The following HABP2 variants were observed in gnomAD, a reference collection of about 807,000 sequenced individuals.
HABP2 encodes factor VII-activating protease.
Under a neutral mutation model 66.5 loss-of-function variants are expected in HABP2, and 65 were observed. The ratio of observed to expected loss-of-function variants is 0.98; its 90% CI spans 0.80 to 1.20. The LOEUF (loss-of-function observed/expected upper bound fraction) is 1.20, where lower values mean the gene tolerates loss of function less well. Ranked by LOEUF, HABP2 falls within the 50% of genes most tolerant of loss-of-function variation. The pLI, the probability that HABP2 is intolerant of heterozygous loss-of-function variation, is 0.00. For missense variants in HABP2, 786 were observed against 691.0 expected, an observed-to-expected ratio of 1.14 and a Z score of -1.54; for synonymous variants, 263 against 253.9, an observed-to-expected ratio of 1.04 and a Z score of -0.34.
At position 113,553,096 on chromosome 10, in the gene HABP2, A is replaced by G. The variant is rs1258990366; in HGVS notation, c.-26A>G. 3.8e-6 allele frequency: 6 copies of G among 1,591,750 alleles called. No individual in the cohort carries two copies. The highest frequency in any genetic ancestry group is 5.2e-6 in the Non-Finnish European group (6 of 1,159,966). On this transcript the variant is annotated 5_prime_UTR_variant, in exon 1 of 13. Coordinates refer to ENST00000351270, the MANE Select transcript of HABP2 (RefSeq NM_004132.5). ...CAACAAAAGAAATTTTATTGAGAGGAAAACACAAGTCCTTAAACTGCAAAG... is the reference window on the plus strand; with the variant it reads ...CAACAAAAGAAATTTTATTGAGAGGGAAACACAAGTCCTTAAACTGCAAAG...
At chr10:113,572,547 T>C (rs1485665544) in intron 2 of HABP2, 1 of 291,996 alleles carries the variant, frequency 3.4e-6, no homozygotes, top group Non-Finnish European at 6.8e-6. Context: ...AATCAGCTCC[T>C]TATCAAACCC....
chr10:113,555,386 A>G (rs1450171950), intron 1 of HABP2, among the ~76,000 whole-genome samples: 1 of 152,132 alleles, frequency 6.6e-6, no homozygotes, highest in Non-Finnish European at 1.5e-5. Context: ...CTTCAGGGAC[A>G]TGGCTTTTCC....
rs776989066 is a variant in HABP2, at chr10:113,584,148, C to T, written c.1238C>T (p.Ala413Val). 6.2e-7 allele frequency: 1 copy of T among 1,613,442 alleles called. No homozygotes were observed. Among genetic ancestry groups the T allele is most frequent in the Non-Finnish European group, 8.5e-7 (1 of 1,179,424 alleles). ...ATTTTCTACCTCTCTCTCCACCTAGCATTGCTCAAGTTAAAGCCAGTGGAT... is the reference window on the plus strand; with the variant it reads ...ATTTTCTACCTCTCTCTCCACCTAGTATTGCTCAAGTTAAAGCCAGTGGAT... The part of the protein sequence containing the change: ...ERDEIPHNDI[A>V]LLKLKPVDGH... The change falls in exon 11 of 13, where the codon GCA becomes GTA. Residue 413 changes from alanine to valine, a missense_variant and splice_region_variant. By Grantham distance (64) the Ala-to-Val change is moderately conservative. Coordinates refer to ENST00000351270, the MANE Select transcript of HABP2 (RefSeq NM_004132.5).
chr10:113,575,401 C>T (rs1845390287), intron 3 of HABP2, among the ~76,000 whole-genome samples: 1 of 152,208 alleles, frequency 6.6e-6, no homozygotes, highest in Non-Finnish European at 1.5e-5. Flanking sequence ...ATTCTTCTGT[C>T]ACCCTCTTGC....
At chr10:113,572,839 T>C (rs1165145270) in intron 2 of HABP2, 3 of 254,450 alleles carry the variant, frequency 1.2e-5, no homozygotes, top group African/African-American at 6.9e-5. Flanking sequence ...AGGTGAAACT[T>C]TGGCAAGAAA....
At position 113,585,942 on chromosome 10, in the gene HABP2, A is replaced by G; in HGVS notation, c.1518+4A>G. On this transcript the variant is annotated splice_donor_region_variant and intron_variant, in intron 12 of 12. Coordinates refer to ENST00000351270, the MANE Select transcript of HABP2 (RefSeq NM_004132.5). ...ACCTGGGCAAGACACCTGCCAGGTC[A>G]GAGACTCCAAGTGGTGCTTGTGGTA... 2 of 1,613,000 alleles carry G rather than the reference A, an allele frequency of 1.2e-6. No individual in the cohort carries two copies. The highest frequency in any genetic ancestry group is 1.7e-6 in the Non-Finnish European group (2 of 1,179,014).
intron 10 of HABP2, 34 bp from the exon 11 acceptor site, chr10:113,584,114 A>T: frequency 6.2e-7 from 1 of 1,606,546 alleles, no homozygotes; most frequent in Non-Finnish European, 8.5e-7. Context: ...AAGAGGTGAC[A>T]TCGCATCCAT....
In HABP2 at chr10:113,559,540, C is replaced by T. The variant is rs533700385; in HGVS notation, c.69+6350C>T. Among the ~76,000 whole-genome samples the T allele has an allele frequency of 5.9e-5, 9 of 152,308 alleles. No individual in the cohort carries two copies. The South Asian group carries it at 1.2e-3, about 21-fold the overall frequency. On this transcript the variant is annotated intron_variant, in intron 1 of 12. Transcript: ENST00000351270. ...CCAAGAGAGCTTGGTATAACCAAAGCGTGGCCAAGGGCAGAGTCGCCTGGG... is the reference window on the plus strand; with the variant it reads ...CCAAGAGAGCTTGGTATAACCAAAGTGTGGCCAAGGGCAGAGTCGCCTGGG...
chr10:113,582,288 C>A (rs1383636890), intron 9 of HABP2, among the ~76,000 whole-genome samples, 157 bp downstream of exon 9: 1 of 152,228 alleles, frequency 6.6e-6, no homozygotes, highest in Admixed American at 6.5e-5. Context: ...GGGAAAATAG[C>A]TACCATGTCT....
intron 12 of HABP2, 46 bp from the exon 13 acceptor site, chr10:113,588,159 A>T: frequency 6.6e-7 from 1 of 1,517,276 alleles, no homozygotes; most frequent in Non-Finnish European, 8.9e-7. Flanking sequence ...GCATCTCCAG[A>T]TGTCTCTGGT....
At chr10:113,562,517 T>C (rs1268593162) in intron 1 of HABP2, among the ~76,000 whole-genome samples, 2 of 147,758 alleles carry the variant, frequency 1.4e-5, no homozygotes, top group Non-Finnish European at 3.0e-5. Flanking sequence ...CGATCTCTGC[T>C]CACTGCAGCC....
At chr10:113,568,157 G>A (rs1281947540) in intron 2 of HABP2, among the ~76,000 whole-genome samples, 2 of 152,208 alleles carry the variant, frequency 1.3e-5, no homozygotes, top group African/African-American at 2.4e-5. Flanking sequence ...AGCTAAGCAG[G>A]GCCACCCCTT....
chr10:113,579,094 CAAA>C (rs11327736), intron 7 of HABP2, among the ~76,000 whole-genome samples: 2 of 126,934 alleles, frequency 1.6e-5, no homozygotes. Flanking sequence ...CCGTCTCTAC[CAAA>C]AAAAAAAAAA....
intron 12 of HABP2, 117 bp downstream of exon 12, chr10:113,586,055 C>T: frequency 1.1e-6 from 1 of 886,530 alleles, no homozygotes; most frequent in East Asian, 2.5e-5. Flanking sequence ...TGTGGTAAAG[C>T]TAAGACACAG....
At chr10:113,580,450 G>C in intron 7 of HABP2, 145 bp from the exon 8 acceptor site, 2 of 603,270 alleles carry the variant, frequency 3.3e-6, no homozygotes, top group South Asian at 2.0e-5. Context: ...TCTGTTCTAA[G>C]GTTTTGTAAC....
chr10:113,561,650 C>G (rs1845102198), intron 1 of HABP2, among the ~76,000 whole-genome samples: 1 of 152,110 alleles, frequency 6.6e-6, no homozygotes, highest in African/African-American at 2.4e-5. Context: ...GCTCTTAGTT[C>G]ATTCGGAGCT....
chr10:113,555,276 T>C (rs1592679756), intron 1 of HABP2, among the ~76,000 whole-genome samples: 1 of 152,170 alleles, frequency 6.6e-6, no homozygotes, highest in African/African-American at 2.4e-5. Flanking sequence ...ATACAGCTGA[T>C]GAGTGGCAGA....
Position 113,577,178 on chromosome 10 carries a change from T to A in HABP2, c.360T>A (p.Cys120Ter), listed in dbSNP as rs768764262. Residue 120 changes from cysteine to a stop codon, truncating the protein, a stop_gained, in exon 5 of 13, where the codon TGT (cysteine) becomes TGA (stop). Transcript: ENST00000351270. LOFTEE classifies it high-confidence loss of function. ...KVQNTCKDNPCGRGQCLITQS... is the reference protein window; with the variant it reads ...KVQNTCKDNP ...AAAATACGTGCAAGGACAACCCATG[T>A]GGCCGGGGCCAATGTCTCATTACCC... 6.2e-7 allele frequency: 1 copy of A among 1,611,660 alleles called. No individual in the cohort carries two copies. The highest frequency in any genetic ancestry group is 8.5e-7 in the Non-Finnish European group (1 of 1,177,714).
At chr10:113,567,289 C>T (rs11575666) in intron 1 of HABP2, among the ~76,000 whole-genome samples, 200 bp from the exon 2 acceptor site, 8 of 152,084 alleles carry the variant, frequency 5.3e-5, no homozygotes, top group Non-Finnish European at 2.9e-5. Context: ...GTACTCAGCG[C>T]GCACAGGTGG....
Sources: gnomAD v4.1 joint callset for allele counts (sites outside exome capture counted in the v4.1 genomes callset) on GRCh38, gnomAD v4.1.1 for gene constraint, MANE v1.5 for transcripts, NCBI Gene and HGNC (gene_info 2026-07-23, HGNC 2026-07-21) for gene names.